Variants in VSIG8 observed in about 807,000 individuals in gnomAD.
VSIG8 encodes V-set and immunoglobulin domain containing 8.
VSIG8 carries 32 observed loss-of-function variants against 42.6 expected under a neutral mutation model. The ratio of observed to expected loss-of-function variants is 0.75; its 90% CI spans 0.57 to 1.01. The LOEUF (loss-of-function observed/expected upper bound fraction) is 1.01, where lower values mean the gene tolerates loss of function less well. Among genes scored for constraint, VSIG8 ranks in the 50% least tolerant of loss-of-function variants. The probability of loss-of-function intolerance (pLI) is 0.00; values close to 1 mark genes in which losing one functional copy is unlikely to be tolerated. For missense variants in VSIG8, 529 were observed against 558.0 expected (o/e 0.95, Z 0.52); for synonymous variants, 290 against 243.8 (o/e 1.19, Z -1.77).
At chr1:159,862,422 C>T (rs1649052294) in intron 1 of VSIG8, 51 bp downstream of exon 1, 2 of 1,559,350 alleles carry the variant, frequency 1.3e-6, no homozygotes, top group South Asian at 1.2e-5. Flanking sequence ...TGCCCCTTTC[C>T]TTCCCACCTA....
intron 1 of VSIG8, chr1:159,862,048 G>C (rs375820752): frequency 1.1e-5 from 2 of 174,460 alleles, no homozygotes; most frequent in African/African-American, 4.7e-5. Flanking sequence ...AAGGAGTAGC[G>C]TTGGGAATAG....
intron 4 of VSIG8, 52 bp from the exon 5 acceptor site, chr1:159,856,695 T>G: frequency 6.3e-7 from 1 of 1,599,492 alleles, no homozygotes. Flanking sequence ...CACCCCAACC[T>G]CAGTCCCTGT....
chr1:159,856,259 G>T, intron 5 of VSIG8, 178 bp from the exon 6 acceptor site: 1 of 747,510 alleles, frequency 1.3e-6, no homozygotes, highest in Non-Finnish European at 2.1e-6. Context: ...TTAACCCCTC[G>T]TGTCAGCATG....
rs62624468 is a variant in VSIG8, at chr1:159,858,823, C to T, written c.139G>A (p.Val47Ile). 27,801 of 1,613,988 alleles carry T rather than the reference C, an allele frequency of 0.017. 400 individuals are homozygous for T. The highest frequency in any genetic ancestry group is 0.068 in the African/African-American group (5,076 of 74,952). ...GGACCATAGTCCTCAGGGTCCAGGACGTAGGGGCAGCCCAGCCTCACATTA... is the reference window on the plus strand; with the variant it reads ...GGACCATAGTCCTCAGGGTCCAGGATGTAGGGGCAGCCCAGCCTCACATTA... ...GDNVRLGCPY[V>I]LDPEDYGPNG... Residue 47 changes from valine (V) to isoleucine (I), a missense_variant, in exon 2 of 7, where the codon GTC becomes ATC. By Grantham distance (29) the Val-to-Ile change is conservative. Transcript: ENST00000368100.
chr1:159,860,092 TGA>T (rs1161423971), intron 1 of VSIG8, among the ~76,000 whole-genome samples: 4 of 152,186 alleles, frequency 2.6e-5, no homozygotes, highest in Non-Finnish European at 5.9e-5. Flanking sequence ...CGTTCTTTTT[TGA>T]GTCAACATGT....
At chr1:159,857,644 G>A in intron 4 of VSIG8, 101 bp downstream of exon 4, 1 of 930,488 alleles carries the variant, frequency 1.1e-6, no homozygotes, top group East Asian at 2.6e-5. Context: ...GGGATTCCAG[G>A]TTTGATTTGA....
chr1:159,856,351 G>A (rs553845076), intron 5 of VSIG8, among the ~76,000 whole-genome samples, 173 bp downstream of exon 5: 89 of 152,220 alleles, frequency 5.8e-4, no homozygotes, highest in Non-Finnish European at 9.4e-4. Context: ...CAGCTCAATA[G>A]GGTCAAGATC....
intron 1 of VSIG8, among the ~76,000 whole-genome samples, chr1:159,859,915 A>G (rs1424364943): frequency 1.3e-5 from 2 of 151,408 alleles, no homozygotes; most frequent in Admixed American, 6.6e-5. Context: ...GTCCCTCCCT[A>G]CCCTGAAGCC....
At chr1:159,855,097 G>C (rs1490856718) in intron 6 of VSIG8, 71 bp from the exon 7 acceptor site, 1 of 1,555,050 alleles carries the variant, frequency 6.4e-7, no homozygotes, top group Non-Finnish European at 8.7e-7. Context: ...CCTGGGCAGA[G>C]CCGGGGGCTC....
chr1:159,860,068 ACACT>A (rs1318735401), intron 1 of VSIG8, among the ~76,000 whole-genome samples: 4 of 152,136 alleles, frequency 2.6e-5, no homozygotes, highest in African/African-American at 9.7e-5. Flanking sequence ...CAGGCCTCAC[ACACT>A]CTCCGTCTGC....
At chr1:159,859,895 C>T (rs1571169434) in intron 1 of VSIG8, among the ~76,000 whole-genome samples, 1 of 152,140 alleles carries the variant, frequency 6.6e-6, no homozygotes, top group South Asian at 2.1e-4. Context: ...GAGCTCAGGA[C>T]TGAGCTCTTG....
At chr1:159,855,343 T>G (rs545600767) in intron 6 of VSIG8, 2 of 1,481,534 alleles carry the variant, frequency 1.3e-6, no homozygotes, top group East Asian at 5.2e-5. Flanking sequence ...AAGAAGGTGC[T>G]TTTCCTCTTC....
chr1:159,855,834 G>A lies in VSIG8; in HGVS notation c.971+49C>T, dbSNP rs375914051. ...GGCAGGCAGGAGTGAGGTGGGCAGG[G>A]CGCCGGTTCCCTGCCGCACAGCAGC... On this transcript the variant is annotated intron_variant, in intron 6 of 6. Transcript: ENST00000368100. 3.8e-4 allele frequency: 565 copies of A among 1,499,212 alleles called. 2 individuals carry two copies. In the African/African-American group the frequency reaches 6.8e-3, roughly 18 times the overall value. The allele number at this position is 1,499,212 out of a possible 1,614,324, so 92.9% of individuals were successfully genotyped here. A position where few individuals can be genotyped will look rare whatever the true frequency, so the allele number is the denominator to read the frequency against.
Position 159,855,966 on chromosome 1 carries a change from A to G in VSIG8, c.888T>C (p.Ala296=), listed in dbSNP as rs773411090. 60 of 1,590,114 alleles carry G rather than the reference A, an allele frequency of 3.8e-5. No individual in the cohort carries two copies. Among genetic ancestry groups the G allele is most frequent in the Non-Finnish European group, 4.4e-5 (51 of 1,168,934 alleles). ...LVCCCCGGSG[A]GGARGAFGYG... ...AGCCGAAGGCACCGCGGGCGCCGCC[A>G]GCCCCGGAGCCCCCGCAGCAGCAGC... Residue 296 remains alanine (A), a synonymous_variant, in exon 6 of 7, where the codon GCT becomes GCC. Transcript: ENST00000368100.
intron 6 of VSIG8, chr1:159,855,304 A>T: frequency 6.5e-7 from 1 of 1,532,656 alleles, no homozygotes; most frequent in South Asian, 1.2e-5. Context: ...AGGCCCCTGC[A>T]ATCCCTTTCT....
chr1:159,855,343 T>C lies in VSIG8; in HGVS notation c.972-317A>G, dbSNP rs545600767. ...GTTTCGCAGGCCCAGAAGAAGGTGCTTTTCCTCTTCTTCTTTCCTTAGCTA... is the reference window on the plus strand; with the variant it reads ...GTTTCGCAGGCCCAGAAGAAGGTGCCTTTCCTCTTCTTCTTTCCTTAGCTA... On this transcript the variant is annotated intron_variant, in intron 6 of 6. Transcript: ENST00000368100. 1.3e-4 allele frequency: 192 copies of C among 1,481,534 alleles called. No individual in the cohort carries two copies. The African/African-American group carries it at 2.3e-3, about 18-fold the overall frequency. 91.8% of individuals were successfully genotyped at this position (1,481,534 alleles called of 1,614,324 possible).
chr1:159,858,694 TGAAG>T, intron 2 of VSIG8, 36 bp downstream of exon 2: 1 of 1,567,240 alleles, frequency 6.4e-7, no homozygotes, highest in Non-Finnish European at 8.6e-7. Context: ...GTAGACATCA[TGAAG>T]CCTAGAGGAA....
chr1:159,856,509 G>T lies in VSIG8; in HGVS notation c.772+15C>A. ...ACCCTCCCAACCACCCAGCCCTCAA[G>T]ACTGCTGCACCTACCTGAGACCTTC... On this transcript the variant is annotated intron_variant, in intron 5 of 6. Coordinates refer to ENST00000368100, the MANE Select transcript of VSIG8 (RefSeq NM_001013661.1). The T allele has an allele frequency of 2.5e-6, 4 of 1,613,438 alleles. No homozygotes were observed. The highest frequency in any genetic ancestry group is 3.4e-6 in the Non-Finnish European group (4 of 1,179,678).
In VSIG8 at chr1:159,855,909, G is replaced by A; in HGVS notation, c.945C>T (p.Ala315=). 1 of 1,554,098 alleles carries A rather than the reference G, an allele frequency of 6.4e-7. No homozygotes were observed. The highest frequency in any genetic ancestry group is 1.4e-5 in the African/African-American group (1 of 73,190). ...TGATCTCACTAGCCAAGTCGCCGCAGGCCCCTCCGCCGACCCCGCCGCCGT... is the reference window on the plus strand; with the variant it reads ...TGATCTCACTAGCCAAGTCGCCGCAAGCCCCTCCGCCGACCCCGCCGCCGT... ...YGNGGGVGGG[A]CGDLASEIRE... Residue 315 remains alanine, a synonymous_variant, in exon 6 of 7, where the codon GCC becomes GCT. Coordinates refer to ENST00000368100, the MANE Select transcript of VSIG8 (RefSeq NM_001013661.1).
Sources: allele counts gnomAD v4.1 joint callset (sites outside exome capture counted in the v4.1 genomes callset), GRCh38; gene constraint gnomAD v4.1.1; transcripts MANE v1.5; gene names NCBI Gene and HGNC (gene_info 2026-07-23, HGNC 2026-07-21).